Variants in XCR1 observed in about 807,000 individuals in gnomAD.
The protein encoded by XCR1 is chemokine XC receptor 1.
For synonymous variants in XCR1, 187 were observed against 188.5 expected (o/e 0.99, Z 0.06); for missense variants, 356 against 424.2 (o/e 0.84, Z 1.41).
chr3:46,068,780 A>ATG (rs1032942020), intron 3 of XCR1, among the ~76,000 whole-genome samples: 9 of 86,648 alleles, frequency 1.0e-4, no homozygotes, highest in African/African-American at 5.5e-4. Context: ...AACATCATGG[A>ATG]CGTGTGTGTG....
intron 5 of XCR1, among the ~76,000 whole-genome samples, chr3:46,032,587 C>A (rs1294427294): frequency 6.6e-6 from 1 of 152,206 alleles, no homozygotes; most frequent in Non-Finnish European, 1.5e-5. Context: ...GCCCAGTGGG[C>A]CTGAGGAAAA....
intron 4 of XCR1, among the ~76,000 whole-genome samples, chr3:46,055,502 A>G (rs1441255751): frequency 1.3e-5 from 2 of 152,222 alleles, no homozygotes; most frequent in Non-Finnish European, 2.9e-5. Flanking sequence ...CTCTTTGACC[A>G]GTCAACAGTC....
chr3:46,051,377 G>C (rs1191743095), intron 5 of XCR1, among the ~76,000 whole-genome samples: 6 of 152,166 alleles, frequency 3.9e-5, no homozygotes, highest in Non-Finnish European at 8.8e-5. Flanking sequence ...TCCAGACCAA[G>C]ACAAGGTAAA....
chr3:46,059,497 G>T (rs1033345951), intron 4 of XCR1, among the ~76,000 whole-genome samples: 1 of 152,066 alleles, frequency 6.6e-6, no homozygotes, highest in African/African-American at 2.4e-5. Flanking sequence ...CCCACAAATT[G>T]CAGCCTGTGA....
In XCR1 at chr3:46,018,991, T is replaced by C. The variant is rs969670650; in HGVS notation, c.*1955A>G. 6.6e-6 allele frequency: 1 copy of C among 152,162 alleles called. No individual in the cohort carries two copies. 9.4% of individuals were successfully genotyped at this position (152,162 alleles called of 1,614,324 possible). A position where few individuals can be genotyped will look rare whatever the true frequency, so the allele number is the denominator to read the frequency against. The stretch of plus-strand genomic sequence containing the variant: ...GCCAGAGCCAAATCAGGTTCACAGA[T>C]TGGGCCCAGGTCTTTGTGGCATGGC... On this transcript the variant is annotated 3_prime_UTR_variant, in exon 2 of 2. Coordinates refer to ENST00000309285, the MANE Select transcript of XCR1 (RefSeq NM_001024644.2).
chr3:46,058,863 C>A (rs182425082), intron 4 of XCR1, among the ~76,000 whole-genome samples: 4 of 152,152 alleles, frequency 2.6e-5, no homozygotes, highest in Non-Finnish European at 5.9e-5. Context: ...TGATGACCGG[C>A]CATAGGGTGT....
intron 3 of XCR1, among the ~76,000 whole-genome samples, chr3:46,067,164 T>C (rs942053218): frequency 1.3e-5 from 2 of 152,092 alleles, no homozygotes; most frequent in Non-Finnish European, 2.9e-5. Flanking sequence ...GTCACAGATA[T>C]GGAAATGGAT....
intron 1 of XCR1, among the ~76,000 whole-genome samples, chr3:46,080,800 T>C (rs1188549321): frequency 3.3e-5 from 5 of 152,168 alleles, no homozygotes; most frequent in Non-Finnish European, 7.4e-5. Context: ...GGAATCCAGA[T>C]GAAACGACAG....
intron 4 of XCR1, among the ~76,000 whole-genome samples, chr3:46,057,709 G>T (rs1445148568): frequency 1.3e-5 from 2 of 152,126 alleles, no homozygotes; most frequent in Non-Finnish European, 2.9e-5. Context: ...TGGTTTCCCT[G>T]AAGAAGAAAT....
At chr3:46,039,108 G>T (rs1273775476) in intron 5 of XCR1, among the ~76,000 whole-genome samples, 2 of 151,748 alleles carry the variant, frequency 1.3e-5, no homozygotes, top group African/African-American at 2.4e-5. Flanking sequence ...TTTTTGTGGT[G>T]AAAGTTACCT....
In XCR1 at chr3:46,021,250, G is replaced by A; in HGVS notation, c.698C>T (p.Ala233Val). 6.2e-7 allele frequency: 1 copy of A among 1,614,206 alleles called. No individual in the cohort carries two copies. Among genetic ancestry groups the A allele is most frequent in the Non-Finnish European group, 8.5e-7 (1 of 1,180,044 alleles). The change falls in exon 2 of 2, where the codon GCC becomes GTC. Residue 233 changes from alanine to valine, a missense_variant. Coordinates refer to ENST00000309285, the MANE Select transcript of XCR1 (RefSeq NM_001024644.2). The surrounding 1 kb of genome is among the most constrained non-coding windows in gnomAD (Gnocchi z 4.7). The part of the protein sequence containing the change: ...TVKLIFAIVV[A>V]YFLSWGPYNF... ...GTAGGGACCCCAGCTGAGGAAGTAG[G>A]CCACCACGATGGCGAAGATGAGCTT...
chr3:46,024,471 G>A (rs34584867), intron 1 of XCR1, among the ~76,000 whole-genome samples: 30,323 of 152,052 alleles, frequency 0.2, 4,431 homozygotes, highest in African/African-American at 0.4. Flanking sequence ...TCAAGCAACA[G>A]TTATTTTTCT....
In XCR1 at chr3:46,052,283, C is replaced by T. The variant is rs1374352433; in HGVS notation, c.-32+1637G>A. Among the ~76,000 whole-genome samples the T allele has an allele frequency of 2.6e-5, 4 of 152,252 alleles. No homozygotes were observed. The East Asian group carries it at 7.7e-4, about 29-fold the overall frequency. The stretch of plus-strand genomic sequence containing the variant: ...TCCTGGGGTGAGGGAATCAATATGC[C>T]TCTGGGAACCCATGCCTGAAACGGG... On this transcript the variant is annotated intron_variant, in intron 5 of 5. Transcript: ENST00000683768.
chr3:46,081,102 A>G (rs1376530716), intron 1 of XCR1, among the ~76,000 whole-genome samples: 1 of 152,194 alleles, frequency 6.6e-6, no homozygotes, highest in East Asian at 1.9e-4. Flanking sequence ...TAATTCCTTC[A>G]TGGGGAGTTT....
chr3:46,059,020 C>T (rs980442337), intron 4 of XCR1, among the ~76,000 whole-genome samples: 3 of 152,186 alleles, frequency 2.0e-5, no homozygotes, highest in Non-Finnish European at 2.9e-5. Context: ...AGCCCTTTTA[C>T]TGCTGTCTGA....
At chr3:46,058,094 A>G (rs1697888347) in intron 4 of XCR1, among the ~76,000 whole-genome samples, 1 of 152,204 alleles carries the variant, frequency 6.6e-6, no homozygotes, top group African/African-American at 2.4e-5. Context: ...TGGTTCTAAA[A>G]GAACAAAATC....
intron 3 of XCR1, among the ~76,000 whole-genome samples, chr3:46,073,256 A>T (rs905575455): frequency 7.9e-5 from 12 of 152,212 alleles, no homozygotes; most frequent in Admixed American, 3.9e-4. Context: ...AAAGACAAAA[A>T]TAGACAAGTG....
At chr3:46,070,766 T>G (rs1390834955) in intron 3 of XCR1, among the ~76,000 whole-genome samples, 5 of 152,110 alleles carry the variant, frequency 3.3e-5, no homozygotes, top group African/African-American at 1.2e-4. Flanking sequence ...CCACTTACAT[T>G]CAAGGTTAAT....
At chr3:46,050,199 C>T (rs994578329) in intron 5 of XCR1, among the ~76,000 whole-genome samples, 4 of 152,156 alleles carry the variant, frequency 2.6e-5, no homozygotes, top group African/African-American at 9.6e-5. Flanking sequence ...ATTTGCTCTA[C>T]AAGCCGTAAT....
Sources: allele counts gnomAD v4.1 joint callset (sites outside exome capture counted in the v4.1 genomes callset), GRCh38; gene constraint gnomAD v4.1.1; non-coding constraint Gnocchi (gnomAD v3.1); transcripts MANE v1.5; gene names NCBI Gene and HGNC (gene_info 2026-07-23, HGNC 2026-07-21).